FMO2: variants seen among roughly 807,000 people sequenced by gnomAD.
FMO2 encodes the protein flavin containing dimethylaniline monoxygenase 2.
In FMO2, 33 loss-of-function variants were observed where a neutral mutation model predicts 41.6. The observed-to-expected ratio is 0.79, with a 90% CI of 0.60 to 1.06. The LOEUF is 1.06. FMO2 is among the 50% of genes least tolerant of loss of function. FMO2 has a pLI of 0.00. For synonymous variants in FMO2, 214 were observed against 219.6 expected, an observed-to-expected ratio of 0.97 and a Z score of 0.23; for missense variants, 619 against 632.9, an observed-to-expected ratio of 0.98 and a Z score of 0.23.
chr1:171,212,264 T>C lies in FMO2; in HGVS notation c.*3119T>C, dbSNP rs1011149931. ...TATAAAAGCAAGTTTGGCTCCCTCT[T>C]TTCCTCACACACTCTTTTTCCCTTC... On this transcript the variant is annotated 3_prime_UTR_variant, in exon 9 of 9. Transcript: ENST00000209929. Among the ~76,000 whole-genome samples the C allele has an allele frequency of 2.0e-5, 3 of 152,054 alleles. No individual in the cohort carries two copies. Among genetic ancestry groups the C allele is most frequent in the African/African-American group, 7.2e-5 (3 of 41,400 alleles).
intron 4 of FMO2, 183 bp from the exon 5 acceptor site, chr1:171,199,163 G>T (rs2205723): frequency 2.7e-5 from 13 of 473,492 alleles, no homozygotes; most frequent in Middle Eastern, 5.5e-4. Context: ...CCTCCCAAAG[G>T]GCTGGGATTA....
intron 5 of FMO2, among the ~76,000 whole-genome samples, chr1:171,200,564 T>C (rs7552423): frequency 0.014 from 2,107 of 152,192 alleles, 44 homozygotes; most frequent in African/African-American, 0.049. Flanking sequence ...AGATACCCAG[T>C]GGCAAAAGTT....
At chr1:171,208,215 T>C (rs1212375772) in intron 8 of FMO2, among the ~76,000 whole-genome samples, 1 of 151,878 alleles carries the variant, frequency 6.6e-6, no homozygotes, top group African/African-American at 2.4e-5. Context: ...TAGGAAGGGG[T>C]TGGTGTGAAG....
At chr1:171,203,271 G>C (rs956539933) in intron 5 of FMO2, among the ~76,000 whole-genome samples, 2 of 151,538 alleles carry the variant, frequency 1.3e-5, no homozygotes, top group Admixed American at 1.3e-4. Flanking sequence ...ACTGCAATGA[G>C]CTATGACTGC....
chr1:171,185,386 C>A, intron 1 of FMO2, 27 bp downstream of exon 1: 1 of 177,950 alleles, frequency 5.6e-6, no homozygotes, highest in East Asian at 1.5e-4. Context: ...GGGAAAGAAG[C>A]TGAAAAGGAA....
rs28745274 is a variant in FMO2 at position 171,193,408 on chromosome 1, T to A, written c.206T>A (p.Phe69Tyr). 3.1e-3 allele frequency: 4,905 copies of A among 1,602,812 alleles called. 119 individuals carry two copies. The African/African-American group carries it at 0.057, about 18-fold the overall frequency. Reference protein sequence around the residue: ...VTNTSKEMSCFSDFPMPEDFP... With the variant: ...VTNTSKEMSCYSDFPMPEDFP... The stretch of plus-strand genomic sequence containing the variant: ...AACACCAGCAAAGAAATGTCCTGTT[T>A]CAGTGACTTTCCAATGCCTGAAGAT... The change falls in exon 3 of 9, where the codon TTC becomes TAC. Residue 69 changes from phenylalanine to tyrosine, a missense_variant. Phe to Tyr is a conservative substitution (Grantham distance 22, BLOSUM62 3). Coordinates refer to ENST00000209929, the MANE Select transcript of FMO2 (RefSeq NM_001460.5).
chr1:171,200,429 C>G (rs1218212162), intron 5 of FMO2, among the ~76,000 whole-genome samples: 2 of 152,170 alleles, frequency 1.3e-5, no homozygotes, highest in African/African-American at 4.8e-5. Context: ...AGGCCTGAAC[C>G]AGATGCCCAA....
At chr1:171,192,947 T>C (rs946310411) in intron 2 of FMO2, among the ~76,000 whole-genome samples, 3 of 152,138 alleles carry the variant, frequency 2.0e-5, no homozygotes, top group Non-Finnish European at 4.4e-5. Context: ...CCAGGGTTTA[T>C]TGGTTTCTAA....
intron 7 of FMO2, 37 bp from the exon 8 acceptor site, chr1:171,207,681 T>A (rs1658819040): frequency 7.4e-7 from 1 of 1,351,240 alleles, no homozygotes; most frequent in African/African-American, 1.5e-5. Flanking sequence ...TGATATTGAC[T>A]CAAACTTACT....
intron 2 of FMO2, among the ~76,000 whole-genome samples, chr1:171,186,581 A>G (rs911412475): frequency 3.9e-5 from 6 of 152,094 alleles, no homozygotes; most frequent in Admixed American, 1.3e-4. Flanking sequence ...ATTAGAACGC[A>G]CTCACTATCA....
At chr1:171,202,323 A>G (rs1453377319) in intron 5 of FMO2, among the ~76,000 whole-genome samples, 2 of 152,192 alleles carry the variant, frequency 1.3e-5, no homozygotes, top group South Asian at 2.1e-4. Context: ...GTCAGCCTAT[A>G]AGGGCAACGG....
intron 6 of FMO2, 148 bp downstream of exon 6, chr1:171,204,212 C>T: frequency 1.6e-6 from 1 of 632,082 alleles, no homozygotes; most frequent in South Asian, 2.0e-5. Flanking sequence ...TGGAGTTTAG[C>T]TTCTAAATTT....
At chr1:171,199,572 C>A in intron 5 of FMO2, 84 bp downstream of exon 5, 1 of 1,328,056 alleles carries the variant, frequency 7.5e-7, no homozygotes, top group Non-Finnish European at 1.0e-6. Flanking sequence ...ATAATCGCGG[C>A]TCCAATCCTC....
chr1:171,187,543 G>A (rs1657899623), intron 2 of FMO2, among the ~76,000 whole-genome samples: 1 of 149,972 alleles, frequency 6.7e-6, no homozygotes, highest in South Asian at 2.1e-4. Flanking sequence ...TTCTGAGACA[G>A]GGTCCTACTC....
At chr1:171,192,208 C>T (rs1164168753) in intron 2 of FMO2, among the ~76,000 whole-genome samples, 1 of 152,102 alleles carries the variant, frequency 6.6e-6, no homozygotes, top group African/African-American at 2.4e-5. Context: ...CAGTATTATG[C>T]AATTTGAAGC....
intron 2 of FMO2, among the ~76,000 whole-genome samples, chr1:171,188,424 G>C (rs771364838): frequency 1.2e-4 from 19 of 152,156 alleles, no homozygotes; most frequent in Non-Finnish European, 2.5e-4. Flanking sequence ...ACTTGTAACA[G>C]TATCACATTT....
intron 5 of FMO2, among the ~76,000 whole-genome samples, chr1:171,201,125 T>G (rs1658517949): frequency 6.6e-6 from 1 of 152,190 alleles, no homozygotes; most frequent in Admixed American, 6.5e-5. Context: ...TACAGCTTCT[T>G]AAACAATCTT....
rs1658938601 is a variant in FMO2, at chr1:171,210,557, G to A, written c.*1412G>A. 2 of 152,226 alleles carry A rather than the reference G, an allele frequency of 1.3e-5. No individual in the cohort carries two copies. The highest frequency in any genetic ancestry group is 1.3e-4 in the Admixed American group (2 of 15,278). 9.4% of individuals were successfully genotyped at this position (152,226 alleles called of 1,614,324 possible). Reference sequence around the variant, plus strand: ...ATCTCCTAAGGGAACATTTGTTACAGCTGCTCCTTCCCTGAACTGTGCTTT... The same window carrying A: ...ATCTCCTAAGGGAACATTTGTTACAACTGCTCCTTCCCTGAACTGTGCTTT... On this transcript the variant is annotated 3_prime_UTR_variant, in exon 9 of 9. Coordinates refer to ENST00000209929, the MANE Select transcript of FMO2 (RefSeq NM_001460.5).
rs1658720639 is a variant in FMO2, at chr1:171,205,480, T to G, written c.1029T>G (p.Val343=). 6.2e-7 allele frequency: 1 copy of G among 1,613,860 alleles called. No individual in the cohort carries two copies. Among genetic ancestry groups the G allele is most frequent in the Admixed American group, 1.7e-5 (1 of 59,956 alleles). The change falls in exon 7 of 9, where the codon GTT becomes GTG. Residue 343 remains valine, a synonymous_variant. Coordinates refer to ENST00000209929, the MANE Select transcript of FMO2 (RefSeq NM_001460.5). ...FSFPFLEDSL[V]KVENNMVSLY... is the part of the protein sequence containing the mutation. The stretch of plus-strand genomic sequence containing the variant: ...TTCCCTTCCTTGAAGATTCACTCGT[T>G]AAAGTAGAGAATAATATGGTCTCAC...
Sources: gnomAD v4.1 joint callset for allele counts (sites outside exome capture counted in the v4.1 genomes callset) on GRCh38, gnomAD v4.1.1 for gene constraint, MANE v1.5 for transcripts, NCBI Gene and HGNC (gene_info 2026-07-23, HGNC 2026-07-21) for gene names.